UNC13C: variants seen among roughly 807,000 people sequenced by gnomAD.
UNC13C encodes protein unc-13 homolog C.
UNC13C carries 174 observed loss-of-function variants against 245.4 expected under a neutral mutation model. The observed-to-expected ratio is 0.71, with a 90% CI of 0.63 to 0.80. UNC13C has a LOEUF of 0.80. UNC13C is among the 30% of genes least tolerant of loss of function. The pLI, the probability that UNC13C is intolerant of heterozygous loss-of-function variation, is 0.00. For missense variants in UNC13C, 2,829 were observed against 2,602.9 expected (o/e 1.09, Z -1.89); for synonymous variants, 992 against 895.1 (o/e 1.11, Z -1.93).
intron 30 of UNC13C, among the ~76,000 whole-genome samples, chr15:54,609,682 T>G (rs1295987937): frequency 6.6e-6 from 1 of 152,232 alleles, no homozygotes; most frequent in Admixed American, 6.5e-5. Context: ...CAATCATACA[T>G]GTACAAATAC....
At chr15:54,582,671 G>A (rs930406170) in intron 30 of UNC13C, among the ~76,000 whole-genome samples, 6 of 152,066 alleles carry the variant, frequency 3.9e-5, no homozygotes, top group South Asian at 2.1e-4. Context: ...CAGAAGGGAC[G>A]TGTTTGCAAG....
At chr15:54,514,132 T>A (rs900482640) in intron 24 of UNC13C, among the ~76,000 whole-genome samples, 1 of 152,186 alleles carries the variant, frequency 6.6e-6, no homozygotes, top group Non-Finnish European at 1.5e-5. Context: ...TCCAATATTG[T>A]TGTATAAACA....
intron 2 of UNC13C, among the ~76,000 whole-genome samples, chr15:54,109,322 T>G (rs1315308531): frequency 3.2e-5 from 2 of 63,116 alleles, no homozygotes; most frequent in Non-Finnish European, 2.8e-5. Flanking sequence ...TCCCCTCCCT[T>G]TCCTTTCCTT....
chr15:54,597,915 C>T (rs538612773), intron 30 of UNC13C, among the ~76,000 whole-genome samples: 4 of 152,200 alleles, frequency 2.6e-5, no homozygotes, highest in South Asian at 4.1e-4. Context: ...AAATGTATTC[C>T]AGGGATACAA....
intron 2 of UNC13C, among the ~76,000 whole-genome samples, chr15:54,073,568 G>A (rs758305814): frequency 7.2e-5 from 11 of 152,218 alleles, no homozygotes; most frequent in South Asian, 2.1e-4. Context: ...TTGAATAATC[G>A]CCATTCTAAC....
chr15:53,925,867 G>C, the UNC13C span, among the ~76,000 whole-genome samples: 1 of 152,182 alleles, frequency 6.6e-6, no homozygotes, highest in Non-Finnish European at 1.5e-5. Flanking sequence ...CTTCTCTTTT[G>C]TGACTATTCC....
chr15:54,016,945 C>T (rs1285242192), intron 2 of UNC13C, among the ~76,000 whole-genome samples: 1 of 152,160 alleles, frequency 6.6e-6, no homozygotes, highest in African/African-American at 2.4e-5. Flanking sequence ...ATAATAATAT[C>T]TGCAGCCAGT....
intron 17 of UNC13C, among the ~76,000 whole-genome samples, chr15:54,382,993 G>A (rs1301191775): frequency 6.6e-6 from 1 of 152,144 alleles, no homozygotes; most frequent in Non-Finnish European, 1.5e-5. Context: ...AAGATTCAAT[G>A]AGGAAGAAAC....
At chr15:53,856,574 TTTTTCAA>T in the UNC13C span, among the ~76,000 whole-genome samples, 1 of 151,986 alleles carries the variant, frequency 6.6e-6, no homozygotes, top group African/African-American at 2.4e-5. Flanking sequence ...CAGGAACAGG[TTTTTCAA>T]TTTTCATGTA....
intron 4 of UNC13C, among the ~76,000 whole-genome samples, chr15:54,169,228 A>G (rs552604823): frequency 9.5e-4 from 144 of 152,340 alleles, no homozygotes; most frequent in East Asian, 2.5e-3. Context: ...AGCTGTTTAA[A>G]CAGCTTTAAT....
At chr15:54,470,127 A>T (rs569609019) in intron 19 of UNC13C, among the ~76,000 whole-genome samples, 1 of 151,726 alleles carries the variant, frequency 6.6e-6, no homozygotes, top group Admixed American at 6.6e-5. Context: ...CATGGTGTTC[A>T]TTCTTTTTAA....
intron 8 of UNC13C, among the ~76,000 whole-genome samples, chr15:54,254,760 T>C (rs2036236941): frequency 6.6e-6 from 1 of 152,214 alleles, no homozygotes; most frequent in Non-Finnish European, 1.5e-5. Context: ...ATAAATAAGT[T>C]TGCAAAGTCA....
At chr15:53,972,198 C>T in the UNC13C span, among the ~76,000 whole-genome samples, 1 of 152,202 alleles carries the variant, frequency 6.6e-6, no homozygotes, top group African/African-American at 2.4e-5. Flanking sequence ...GAAAACATTA[C>T]TTAGCTCACA....
intron 19 of UNC13C, among the ~76,000 whole-genome samples, chr15:54,460,753 G>T (rs1023836144): frequency 1.3e-5 from 2 of 152,132 alleles, no homozygotes; most frequent in Non-Finnish European, 2.9e-5. Flanking sequence ...CGGTTTTTCT[G>T]GTATGTTCTT....
chr15:54,332,225 G>A (rs1328441845), intron 15 of UNC13C, 114 bp downstream of exon 15: 2 of 710,714 alleles, frequency 2.8e-6, no homozygotes, highest in South Asian at 2.1e-5. Context: ...TTGATCTCAG[G>A]TGCTGTTACC....
Position 54,033,039 on chromosome 15 carries a change from G to A in UNC13C, c.2983+17153G>A, listed in dbSNP as rs191964423. The stretch of plus-strand genomic sequence containing the variant: ...AGACTACAAATTGAGTTCAGTGTAT[G>A]CTGCTTGGGTGATGGGGGCACCAAA... On this transcript the variant is annotated intron_variant, in intron 2 of 32. Transcript: ENST00000260323. 4.2e-3 allele frequency among the ~76,000 whole-genome samples: 645 copies of A among 152,182 alleles called. 1 individual carries two copies. The highest frequency in any genetic ancestry group is 6.9e-3 in the Admixed American group (105 of 15,280).
At chr15:54,042,606 C>A (rs1448604799) in intron 2 of UNC13C, among the ~76,000 whole-genome samples, 6 of 152,128 alleles carry the variant, frequency 3.9e-5, no homozygotes, top group Admixed American at 3.9e-4. Context: ...GTAATCCCAG[C>A]ACTTTGGGAG....
intron 30 of UNC13C, among the ~76,000 whole-genome samples, chr15:54,606,467 C>T (rs1387949466): frequency 1.3e-5 from 2 of 152,120 alleles, no homozygotes; most frequent in Non-Finnish European, 2.9e-5. Context: ...GGGAGTCAAA[C>T]TTACTTTGTC....
intron 2 of UNC13C, among the ~76,000 whole-genome samples, chr15:54,058,174 C>G (rs893081473): frequency 6.6e-6 from 1 of 152,070 alleles, no homozygotes; most frequent in African/African-American, 2.4e-5. Context: ...AATCCAGGAG[C>G]TGTTTTTTTG....
Sources: gnomAD v4.1 joint callset for allele counts (sites outside exome capture counted in the v4.1 genomes callset) on GRCh38, gnomAD v4.1.1 for gene constraint, MANE v1.5 for transcripts, NCBI Gene and HGNC (gene_info 2026-07-23, HGNC 2026-07-21) for gene names.